ARHGDIB: variants seen among roughly 807,000 people sequenced by gnomAD.
ARHGDIB encodes the protein rho GDP-dissociation inhibitor 2.
A neutral mutation model predicts 22.6 loss-of-function variants in ARHGDIB; 20 were observed. The observed-to-expected ratio is 0.88, with a 90% CI of 0.62 to 1.28. ARHGDIB has a LOEUF of 1.28. Among genes scored for constraint, ARHGDIB ranks in the 50% most tolerant of loss-of-function variants. The pLI is 0.00. For missense variants in ARHGDIB, 254 were observed against 245.4 expected, an observed-to-expected ratio of 1.04 and a Z score of -0.23; for synonymous variants, 114 against 96.1, an observed-to-expected ratio of 1.19 and a Z score of -1.09.
intron 1 of ARHGDIB, among the ~76,000 whole-genome samples, chr12:14,951,550 C>A (rs1864176408): frequency 6.6e-6 from 1 of 151,978 alleles, no homozygotes; most frequent in Non-Finnish European, 1.5e-5. Context: ...TAGCATTTGT[C>A]CATCCATTTC....
chr12:14,944,666 G>T, intron 5 of ARHGDIB, 110 bp downstream of exon 5: 3 of 1,052,808 alleles, frequency 2.8e-6, no homozygotes, highest in Non-Finnish European at 4.2e-6. Flanking sequence ...GGCATCCACA[G>T]CTTTTATTGT....
intron 4 of ARHGDIB, among the ~76,000 whole-genome samples, chr12:14,946,500 T>C (rs1050828256): frequency 2.0e-4 from 30 of 152,222 alleles, no homozygotes; most frequent in African/African-American, 5.8e-4. Flanking sequence ...TTTCTTCTAA[T>C]TGTAGCACCA....
intron 1 of ARHGDIB, among the ~76,000 whole-genome samples, chr12:14,958,425 T>G (rs964948000): frequency 1.3e-5 from 2 of 152,220 alleles, no homozygotes; most frequent in African/African-American, 4.8e-5. Flanking sequence ...AAACGTAATT[T>G]CTTACCATTT....
At chr12:14,948,232 C>A (rs1318713886) in intron 3 of ARHGDIB, among the ~76,000 whole-genome samples, 4 of 151,902 alleles carry the variant, frequency 2.6e-5, no homozygotes, top group Non-Finnish European at 5.9e-5. Flanking sequence ...CAAGACATTA[C>A]AAATAATGAG....
At chr12:14,955,950 C>T (rs868803372) in intron 1 of ARHGDIB, among the ~76,000 whole-genome samples, 2 of 152,116 alleles carry the variant, frequency 1.3e-5, no homozygotes, top group Admixed American at 6.6e-5. Context: ...AGAGGATTAT[C>T]TCATTTAGTT....
At chr12:14,954,968 A>C (rs1022913375) in intron 1 of ARHGDIB, among the ~76,000 whole-genome samples, 1 of 152,240 alleles carries the variant, frequency 6.6e-6, no homozygotes, top group African/African-American at 2.4e-5. Flanking sequence ...ATTCATCTTT[A>C]AAAGGAAATT....
intron 5 of ARHGDIB, among the ~76,000 whole-genome samples, chr12:14,943,441 A>G (rs1381747897): frequency 6.7e-6 from 1 of 149,932 alleles, no homozygotes; most frequent in African/African-American, 2.5e-5. Flanking sequence ...ACACCATTTT[A>G]AAAAACTCAG....
intron 1 of ARHGDIB, among the ~76,000 whole-genome samples, chr12:14,956,925 G>T (rs1470062392): frequency 6.6e-6 from 1 of 152,160 alleles, no homozygotes; most frequent in Non-Finnish European, 1.5e-5. Context: ...CAAATTCAGT[G>T]AAATTTCCAA....
chr12:14,950,613 C>T lies in ARHGDIB; in HGVS notation c.100G>A (p.Glu34Lys), dbSNP rs762075958. ...YKPPPQKSLK[E>K]LQEMDKDDES... ...TCATCTTTGTCCATTTCCTGCAGCTCTTTCAGGGACTTCTGTGGTGGAGGC... is the reference window on the plus strand; with the variant it reads ...TCATCTTTGTCCATTTCCTGCAGCTTTTTCAGGGACTTCTGTGGTGGAGGC... The change falls in exon 2 of 6, where the codon GAG (glutamate) becomes AAG (lysine). Residue 34 changes from glutamate to lysine, a missense_variant. Coordinates refer to ENST00000228945, the MANE Select transcript of ARHGDIB (RefSeq NM_001175.7). The T allele has an allele frequency of 2.5e-6, 4 of 1,614,074 alleles. No individual in the cohort carries two copies. The highest frequency in any genetic ancestry group is 3.3e-5 in the Admixed American group (2 of 60,020).
At chr12:14,959,035 T>C (rs1188001276) in intron 1 of ARHGDIB, among the ~76,000 whole-genome samples, 2 of 152,094 alleles carry the variant, frequency 1.3e-5, no homozygotes, top group African/African-American at 4.8e-5. Flanking sequence ...ATGTGGGAGA[T>C]CACCTGAGCC....
chr12:14,946,322 A>G (rs1864013916), intron 4 of ARHGDIB, among the ~76,000 whole-genome samples: 1 of 152,260 alleles, frequency 6.6e-6, no homozygotes, highest in Non-Finnish European at 1.5e-5. Context: ...GAAAGTGCTA[A>G]GAAGTTTGGG....
At position 14,944,904 on chromosome 12, in the gene ARHGDIB, T is replaced by C; in HGVS notation, c.343-65A>G. On this transcript the variant is annotated intron_variant, in intron 4 of 5. Coordinates refer to ENST00000228945, the MANE Select transcript of ARHGDIB (RefSeq NM_001175.7). ...GTCTTTCATTTTTTCTCATCTTTCA[T>C]GCTGATCCTGCCTAGCTGAATCGTC... 34 of 1,394,536 alleles carry C rather than the reference T, an allele frequency of 2.4e-5. 1 individual carries two copies. The South Asian group carries it at 4.1e-4, about 17-fold the overall frequency. 86.4% of individuals were successfully genotyped at this position (1,394,536 alleles called of 1,614,324 possible). A position where few individuals can be genotyped will look rare whatever the true frequency, so the allele number is the denominator to read the frequency against.
Position 14,951,677 on chromosome 12 carries a change from C to G in ARHGDIB, c.-12-953G>C, listed in dbSNP as rs1224760679. ...GGAGTCTTCCTTCATCTCTTATTAT[C>G]TACATTTACTTGTTTTGTGTTAAAA... On this transcript the variant is annotated intron_variant, in intron 1 of 5. Transcript: ENST00000228945. 1.3e-4 allele frequency among the ~76,000 whole-genome samples: 15 copies of G among 118,540 alleles called. No individual in the cohort carries two copies. In the Admixed American group the frequency reaches 1.3e-3, roughly 11 times the overall value. 77.8% of individuals were successfully genotyped at this position (118,540 alleles called of 152,430 possible). A position where few individuals can be genotyped will look rare whatever the true frequency, so the allele number is the denominator to read the frequency against.
chr12:14,947,008 A>G (rs779549090), intron 4 of ARHGDIB, among the ~76,000 whole-genome samples: 12 of 152,136 alleles, frequency 7.9e-5, no homozygotes, highest in Admixed American at 2.6e-4. Context: ...TGGGGTAGGG[A>G]GGTCATCCAT....
chr12:14,955,815 T>C (rs1452392878), intron 1 of ARHGDIB, among the ~76,000 whole-genome samples: 1 of 152,220 alleles, frequency 6.6e-6, no homozygotes, highest in Non-Finnish European at 1.5e-5. Context: ...ATAGGAATTT[T>C]ATGAAAATTC....
chr12:14,943,276 C>T (rs1425722088), intron 5 of ARHGDIB, among the ~76,000 whole-genome samples: 1 of 152,054 alleles, frequency 6.6e-6, no homozygotes, highest in Non-Finnish European at 1.5e-5. Flanking sequence ...GGTTCAGTAA[C>T]CTTCTGTGGG....
chr12:14,947,704 G>A, intron 4 of ARHGDIB, 169 bp downstream of exon 4: 1 of 595,464 alleles, frequency 1.7e-6, no homozygotes, highest in Non-Finnish European at 3.0e-6. Context: ...GCAAACGTGG[G>A]TCTCAACAGG....
chr12:14,946,786 C>A (rs1438623134), intron 4 of ARHGDIB, among the ~76,000 whole-genome samples: 1 of 152,180 alleles, frequency 6.6e-6, no homozygotes, highest in Non-Finnish European at 1.5e-5. Flanking sequence ...ACCAAATAGA[C>A]AAATTAATGC....
At chr12:14,944,570 A>C (rs1863963870) in intron 5 of ARHGDIB, among the ~76,000 whole-genome samples, 1 of 152,244 alleles carries the variant, frequency 6.6e-6, no homozygotes, top group Non-Finnish European at 1.5e-5. Flanking sequence ...GAACGTTAGC[A>C]GCTGATGCAG....
Sources: allele counts gnomAD v4.1 joint callset (sites outside exome capture counted in the v4.1 genomes callset), GRCh38; gene constraint gnomAD v4.1.1; transcripts MANE v1.5; gene names NCBI Gene and HGNC (gene_info 2026-07-23, HGNC 2026-07-21).